The following MACROD2 variants were observed in gnomAD, a reference collection of about 807,000 sequenced individuals.
MACROD2 encodes the protein mono-ADP ribosylhydrolase 2.
A neutral mutation model predicts 70.4 loss-of-function variants in MACROD2; 36 were observed. That is an observed-to-expected ratio of 0.51 (90% CI 0.39 to 0.68). MACROD2 has a LOEUF of 0.68. Among genes scored for constraint, MACROD2 ranks in the 30% least tolerant of loss-of-function variants. The pLI, the probability that MACROD2 is intolerant of heterozygous loss-of-function variation, is 0.00. For synonymous variants in MACROD2, 172 were observed against 178.8 expected, an observed-to-expected ratio of 0.96 and a Z score of 0.30; for missense variants, 496 against 538.4, an observed-to-expected ratio of 0.92 and a Z score of 0.78.
intron 6 of MACROD2, among the ~76,000 whole-genome samples, chr20:15,425,445 A>G (rs186903820): frequency 6.6e-6 from 1 of 152,340 alleles, no homozygotes; most frequent in Admixed American, 6.5e-5. Context: ...TACAATTGAC[A>G]GCTTGCTTGA....
intron 6 of MACROD2, among the ~76,000 whole-genome samples, chr20:15,256,532 G>A (rs183066574): frequency 6.6e-6 from 1 of 151,680 alleles, no homozygotes; most frequent in African/African-American, 2.4e-5. Context: ...AATAAAAAAA[G>A]GTCAAAAGTC....
chr20:14,097,717 A>AT (rs903784899), intron 3 of MACROD2, among the ~76,000 whole-genome samples: 18 of 152,070 alleles, frequency 1.2e-4, no homozygotes, highest in South Asian at 4.1e-4. Flanking sequence ...AGTGTTTCAG[A>AT]TTTTTTTTGG....
At position 14,517,846 on chromosome 20, in the gene MACROD2, A is replaced by G. The variant is rs562629740; in HGVS notation, c.301+24338A>G. ...TGTATTCTATCCTTTTCTGGTATAT[A>G]TTTTCTGGGCTCTTTTTTTTTAACC... On this transcript the variant is annotated intron_variant, in intron 4 of 17. Coordinates refer to ENST00000684519, the MANE Select transcript of MACROD2 (RefSeq NM_001351661.2). Among the ~76,000 whole-genome samples, 3 of 151,686 alleles carry G rather than the reference A, an allele frequency of 2.0e-5. No homozygotes were observed. In the East Asian group the frequency reaches 5.8e-4, roughly 29 times the overall value.
chr20:14,399,775 T>G (rs2083618431), intron 3 of MACROD2, among the ~76,000 whole-genome samples: 1 of 152,184 alleles, frequency 6.6e-6, no homozygotes, highest in Non-Finnish European at 1.5e-5. Flanking sequence ...TTTTCCATCC[T>G]CTTCTCTGTT....
chr20:15,659,150 C>T (rs975835494), intron 8 of MACROD2, among the ~76,000 whole-genome samples: 6 of 151,886 alleles, frequency 4.0e-5, no homozygotes, highest in South Asian at 2.1e-4. Flanking sequence ...TGTCAGAAAC[C>T]GTTTTAAAAT....
At chr20:15,241,411 A>G (rs1244252811) in intron 6 of MACROD2, among the ~76,000 whole-genome samples, 1 of 152,178 alleles carries the variant, frequency 6.6e-6, no homozygotes, top group East Asian at 1.9e-4. Context: ...TTGGGCAATT[A>G]TCTCATTACC....
At chr20:15,714,315 C>A (rs2050676010) in intron 8 of MACROD2, among the ~76,000 whole-genome samples, 1 of 152,324 alleles carries the variant, frequency 6.6e-6, no homozygotes, top group Middle Eastern at 3.4e-3. Flanking sequence ...ACTAAGAAGT[C>A]CCTGGCTCCT....
intron 4 of MACROD2, among the ~76,000 whole-genome samples, chr20:14,581,757 C>T (rs1187704258): frequency 2.6e-5 from 4 of 152,176 alleles, no homozygotes; most frequent in Non-Finnish European, 5.9e-5. Context: ...ATCAGCTGAA[C>T]AGAGATATAA....
At chr20:14,893,671 A>G (rs538635090) in intron 5 of MACROD2, 2 of 151,938 alleles carry the variant, frequency 1.3e-5, no homozygotes, top group South Asian at 2.1e-4. Context: ...GCCAGTTTAT[A>G]TTTTTCTTTT....
chr20:15,070,662 C>T (rs979096089), intron 5 of MACROD2, among the ~76,000 whole-genome samples: 2 of 152,140 alleles, frequency 1.3e-5, no homozygotes, highest in Non-Finnish European at 2.9e-5. Context: ...ATGTGACACA[C>T]TGGCTCCCCC....
At chr20:14,100,445 T>A (rs2054283343) in intron 3 of MACROD2, among the ~76,000 whole-genome samples, 1 of 150,202 alleles carries the variant, frequency 6.7e-6, no homozygotes, top group Non-Finnish European at 1.5e-5. Flanking sequence ...TAAAGATATA[T>A]CACATTAATT....
chr20:14,702,719 A>G (rs2071221680), intron 5 of MACROD2, among the ~76,000 whole-genome samples: 1 of 144,232 alleles, frequency 6.9e-6, no homozygotes, highest in African/African-American at 2.5e-5. Context: ...GTGTATATAT[A>G]TGTGTATATA....
At chr20:14,986,314 G>A (rs75877302) in intron 5 of MACROD2, among the ~76,000 whole-genome samples, 1,876 of 152,216 alleles carry the variant, frequency 0.012, 42 homozygotes, top group African/African-American at 0.043. Context: ...CCCCATTAAA[G>A]TTAATGAATA....
intron 5 of MACROD2, among the ~76,000 whole-genome samples, chr20:14,981,579 G>T (rs1436371440): frequency 6.6e-6 from 1 of 151,904 alleles, no homozygotes; most frequent in East Asian, 1.9e-4. Flanking sequence ...ATTGAATCAT[G>T]GGGGCAGATC....
intron 6 of MACROD2, among the ~76,000 whole-genome samples, chr20:15,306,814 A>G (rs919060671): frequency 7.9e-5 from 12 of 152,164 alleles, no homozygotes; most frequent in African/African-American, 2.9e-4. Flanking sequence ...TTATTAGTCC[A>G]TGTTGTGTTG....
chr20:14,319,152 C>T (rs1169427682), intron 3 of MACROD2, among the ~76,000 whole-genome samples: 1 of 152,170 alleles, frequency 6.6e-6, no homozygotes, highest in Non-Finnish European at 1.5e-5. Context: ...CTTCTCCATC[C>T]TCTTCATCTC....
chr20:15,550,837 G>A (rs2048085844), intron 8 of MACROD2, among the ~76,000 whole-genome samples: 1 of 152,064 alleles, frequency 6.6e-6, no homozygotes, highest in African/African-American at 2.4e-5. Flanking sequence ...TATTTGCATT[G>A]TAAGGATGAG....
intron 3 of MACROD2, among the ~76,000 whole-genome samples, chr20:14,120,335 C>T (rs372411301): frequency 1.3e-5 from 2 of 151,868 alleles, no homozygotes; most frequent in Non-Finnish European, 2.9e-5. Flanking sequence ...CCATCTCACA[C>T]CAGTCAGAAT....
At chr20:15,405,978 A>C (rs1384522542) in intron 6 of MACROD2, among the ~76,000 whole-genome samples, 1 of 152,220 alleles carries the variant, frequency 6.6e-6, no homozygotes, top group Non-Finnish European at 1.5e-5. Context: ...GTAAGGACTC[A>C]GTGAGGACAT....
Sources: allele counts gnomAD v4.1 joint callset (sites outside exome capture counted in the v4.1 genomes callset), GRCh38; gene constraint gnomAD v4.1.1; transcripts MANE v1.5; gene names NCBI Gene and HGNC (gene_info 2026-07-23, HGNC 2026-07-21).